MMP16: variants seen among roughly 807,000 people sequenced by gnomAD.
MMP16 encodes the protein matrix metalloproteinase-16.
A neutral mutation model predicts 67.8 loss-of-function variants in MMP16; 12 were observed. The observed-to-expected ratio is 0.18, with a 90% CI of 0.11 to 0.29. The LOEUF (loss-of-function observed/expected upper bound fraction) is 0.29, where lower values mean the gene tolerates loss of function less well. Among genes scored for constraint, MMP16 ranks in the 10% least tolerant of loss-of-function variants. The probability of loss-of-function intolerance (pLI) is 1.00; values close to 1 mark genes in which losing one functional copy is unlikely to be tolerated. For synonymous variants in MMP16, 249 were observed against 255.9 expected, an observed-to-expected ratio of 0.97 and a Z score of 0.26; for missense variants, 475 against 765.7, an observed-to-expected ratio of 0.62 and a Z score of 4.48.
intron 1 of MMP16, among the ~76,000 whole-genome samples, chr8:88,207,260 T>C (rs1175015069): frequency 6.6e-6 from 1 of 152,178 alleles, no homozygotes; most frequent in Non-Finnish European, 1.5e-5. Flanking sequence ...AAAGATGCAG[T>C]GTTAAATAAT....
chr8:88,259,996 G>T (rs1810361673), intron 1 of MMP16, among the ~76,000 whole-genome samples: 1 of 152,124 alleles, frequency 6.6e-6, no homozygotes, highest in African/African-American at 2.4e-5. Context: ...CTAGGTAAAG[G>T]TAGAAAGCAC....
chr8:88,104,523 G>A (rs904525785), intron 6 of MMP16, among the ~76,000 whole-genome samples: 26 of 151,700 alleles, frequency 1.7e-4, no homozygotes, highest in African/African-American at 6.0e-4. Context: ...CATTACTCAT[G>A]TGTTTATGGT....
intron 3 of MMP16, among the ~76,000 whole-genome samples, chr8:88,173,827 T>A (rs1416175470): frequency 1.3e-5 from 2 of 152,188 alleles, no homozygotes; most frequent in Non-Finnish European, 2.9e-5. Context: ...CTTCCTTACA[T>A]TAAATATTTG....
At chr8:88,052,344 T>G (rs1474750552) in intron 8 of MMP16, among the ~76,000 whole-genome samples, 2 of 152,196 alleles carry the variant, frequency 1.3e-5, no homozygotes. Context: ...TGATTTATTT[T>G]GTTCCTCCCC....
intron 1 of MMP16, among the ~76,000 whole-genome samples, chr8:88,261,962 T>C (rs182844636): frequency 2.2e-4 from 34 of 152,218 alleles, no homozygotes; most frequent in African/African-American, 7.2e-4. Flanking sequence ...CTGGCCAAGG[T>C]TACTTAGGTA....
intron 1 of MMP16, among the ~76,000 whole-genome samples, 192 bp from the exon 2 acceptor site, chr8:88,197,498 T>C (rs1809275840): frequency 6.6e-6 from 1 of 152,278 alleles, no homozygotes; most frequent in South Asian, 2.1e-4. Context: ...GCAGCGACTG[T>C]TATGGATCTT....
chr8:88,307,511 T>C (rs1259555034), intron 1 of MMP16, among the ~76,000 whole-genome samples: 2 of 152,104 alleles, frequency 1.3e-5, no homozygotes, highest in Non-Finnish European at 2.9e-5. Flanking sequence ...GGTCATGCTA[T>C]GTCCTCACCA....
intron 6 of MMP16, among the ~76,000 whole-genome samples, chr8:88,090,193 G>A (rs377501128): frequency 2.0e-5 from 3 of 151,858 alleles, no homozygotes; most frequent in East Asian, 1.9e-4. Context: ...TTTATTGTGG[G>A]GTTGAGAAAG....
intron 1 of MMP16, among the ~76,000 whole-genome samples, chr8:88,263,084 T>C (rs975059980): frequency 2.6e-4 from 39 of 151,694 alleles, no homozygotes; most frequent in Non-Finnish European, 2.4e-4. Context: ...AAAAGGAGTG[T>C]CGATACACCA....
chr8:88,090,772 A>T (rs1285383007), intron 6 of MMP16, among the ~76,000 whole-genome samples: 1 of 151,960 alleles, frequency 6.6e-6, no homozygotes, highest in Non-Finnish European at 1.5e-5. Context: ...CTGAACAACG[A>T]AAACAAGTAA....
intron 4 of MMP16, among the ~76,000 whole-genome samples, chr8:88,119,434 T>C (rs762525334): frequency 1.1e-4 from 16 of 152,054 alleles, no homozygotes; most frequent in Non-Finnish European, 2.1e-4. Flanking sequence ...ATAAAATCTA[T>C]AGGCTATTAG....
intron 1 of MMP16, among the ~76,000 whole-genome samples, chr8:88,241,508 A>C (rs1192115130): frequency 6.6e-6 from 1 of 152,118 alleles, no homozygotes; most frequent in Non-Finnish European, 1.5e-5. Context: ...TATGGTAAAA[A>C]AGGGAAGAAA....
At chr8:88,147,697 T>C (rs1808316625) in intron 4 of MMP16, among the ~76,000 whole-genome samples, 1 of 151,794 alleles carries the variant, frequency 6.6e-6, no homozygotes, top group African/African-American at 2.4e-5. Context: ...CCTGTGAAAT[T>C]GTACCTAATG....
At chr8:88,089,606 GA>G (rs1331097404) in intron 6 of MMP16, among the ~76,000 whole-genome samples, 1 of 151,952 alleles carries the variant, frequency 6.6e-6, no homozygotes, top group African/African-American at 2.4e-5. Flanking sequence ...AAAAGAAGAG[GA>G]AATGAAGTAA....
intron 1 of MMP16, among the ~76,000 whole-genome samples, chr8:88,213,714 G>A (rs1038377668): frequency 6.6e-6 from 1 of 152,146 alleles, no homozygotes; most frequent in Non-Finnish European, 1.5e-5. Context: ...CTATGGCCCT[G>A]AGGCTAGGTA....
intron 1 of MMP16, among the ~76,000 whole-genome samples, chr8:88,281,289 C>T (rs1027961396): frequency 3.9e-5 from 6 of 152,098 alleles, no homozygotes; most frequent in African/African-American, 7.2e-5. Context: ...GTCAAAATTA[C>T]GATTTACAAA....
intron 1 of MMP16, among the ~76,000 whole-genome samples, chr8:88,233,463 A>G (rs1217200703): frequency 6.6e-6 from 1 of 152,160 alleles, no homozygotes; most frequent in Admixed American, 6.5e-5. Context: ...ACCTTGGTTT[A>G]TCTCCTTTGA....
rs1369165440 is a variant in MMP16, at chr8:88,034,798, G to T, written c.*6663C>A. 6.6e-6 allele frequency: 1 copy of T among 151,874 alleles called. No individual in the cohort carries two copies. The highest frequency in any genetic ancestry group is 1.5e-5 in the Non-Finnish European group (1 of 67,938). The allele number at this position is 151,874 out of a possible 1,614,324, so 9.4% of individuals were successfully genotyped here. On this transcript the variant is annotated 3_prime_UTR_variant, in exon 10 of 10. Coordinates refer to ENST00000286614, the MANE Select transcript of MMP16 (RefSeq NM_005941.5). Reference sequence around the variant, plus strand: ...TTTTCAAATAGACAGCTCACACCAGGCTTCATTCAACCATGTCTTGGCAAG... The same window carrying T: ...TTTTCAAATAGACAGCTCACACCAGTCTTCATTCAACCATGTCTTGGCAAG...
At chr8:88,274,750 A>T (rs1490645658) in intron 1 of MMP16, among the ~76,000 whole-genome samples, 1 of 152,040 alleles carries the variant, frequency 6.6e-6, no homozygotes, top group Non-Finnish European at 1.5e-5. Flanking sequence ...AAAACAATTA[A>T]TATTTGTTAT....
Sources: allele counts gnomAD v4.1 joint callset (sites outside exome capture counted in the v4.1 genomes callset), GRCh38; gene constraint gnomAD v4.1.1; transcripts MANE v1.5; gene names NCBI Gene and HGNC (gene_info 2026-07-23, HGNC 2026-07-21).